The following LIMD1 variants were observed in gnomAD, a reference collection of about 807,000 sequenced individuals.
LIMD1 encodes the protein LIM domain-containing protein 1.
In LIMD1, 23 loss-of-function variants were observed where a neutral mutation model predicts 58.4. The observed-to-expected ratio is 0.39, with a 90% CI of 0.28 to 0.56. LIMD1 has a LOEUF of 0.56. Among genes scored for constraint, LIMD1 ranks in the 20% least tolerant of loss-of-function variants. The probability of loss-of-function intolerance (pLI) is 0.57; values close to 1 mark genes in which losing one functional copy is unlikely to be tolerated. For missense variants in LIMD1, 838 were observed against 855.5 expected, an observed-to-expected ratio of 0.98 and a Z score of 0.25; for synonymous variants, 334 against 345.5, an observed-to-expected ratio of 0.97 and a Z score of 0.37.
Position 45,627,938 on chromosome 3 carries a change from G to T in LIMD1, c.1409-8212G>T, listed in dbSNP as rs182233163. On this transcript the variant is annotated intron_variant, in intron 1 of 7. Transcript: ENST00000273317. The stretch of plus-strand genomic sequence containing the variant: ...CAGGAGAATCGCTTGAACCTGGGAG[G>T]CGGAGGTTGCAGTGAGCCAAGATGG... Among the ~76,000 whole-genome samples, 1,174 of 150,706 alleles carry T rather than the reference G, an allele frequency of 7.8e-3. 12 individuals are homozygous for T. Among genetic ancestry groups the T allele is most frequent in the African/African-American group, 0.027 (1,116 of 40,694 alleles).
At chr3:45,629,706 G>A (rs1324933330) in intron 1 of LIMD1, among the ~76,000 whole-genome samples, 1 of 152,190 alleles carries the variant, frequency 6.6e-6, no homozygotes, top group East Asian at 1.9e-4. Flanking sequence ...ACAAGCAGCT[G>A]GATGGCGAGA....
chr3:45,618,380 G>T (rs1489768796), intron 1 of LIMD1, among the ~76,000 whole-genome samples: 6 of 152,164 alleles, frequency 3.9e-5, no homozygotes, highest in African/African-American at 1.4e-4. Context: ...GTCCTATGGG[G>T]ACAGTTCCAA....
Position 45,666,144 on chromosome 3 carries a change from A to G in LIMD1, c.1578+427A>G, listed in dbSNP as rs571832099. On this transcript the variant is annotated intron_variant, in intron 3 of 7. Transcript: ENST00000273317. The stretch of plus-strand genomic sequence containing the variant: ...CTCTGAGGCCAGCTGCTGGCATCCC[A>G]CTGGCCCCTGGGCTGTGTCCCAACC... 3.4e-4 allele frequency among the ~76,000 whole-genome samples: 52 copies of G among 152,180 alleles called. 2 individuals carry two copies. In the South Asian group the frequency reaches 6.6e-3, roughly 19 times the overall value.
At chr3:45,627,989 CAG>C (rs1173867343) in intron 1 of LIMD1, among the ~76,000 whole-genome samples, 1 of 127,362 alleles carries the variant, frequency 7.9e-6, no homozygotes, top group Non-Finnish European at 1.6e-5. Flanking sequence ...GCCTGGGTGA[CAG>C]AGTGAGACCC....
At chr3:45,629,445 T>C (rs994585266) in intron 1 of LIMD1, among the ~76,000 whole-genome samples, 1 of 141,158 alleles carries the variant, frequency 7.1e-6, no homozygotes, top group East Asian at 2.1e-4. Context: ...AGAAAAGAAA[T>C]GTCACAACAT....
intron 2 of LIMD1, among the ~76,000 whole-genome samples, chr3:45,654,788 G>A (rs572477561): frequency 2.1e-5 from 3 of 145,138 alleles, no homozygotes; most frequent in Non-Finnish European, 3.0e-5. Flanking sequence ...ACTCCAGCCT[G>A]GGTGACAGAG....
intron 1 of LIMD1, among the ~76,000 whole-genome samples, chr3:45,618,213 G>A (rs1385320741): frequency 6.6e-6 from 1 of 152,146 alleles, no homozygotes; most frequent in African/African-American, 2.4e-5. Flanking sequence ...GTGGGGAGAT[G>A]GGAGCAGGGA....
intron 2 of LIMD1, among the ~76,000 whole-genome samples, chr3:45,664,739 T>C (rs962050667): frequency 7.2e-5 from 11 of 152,378 alleles, no homozygotes; most frequent in African/African-American, 2.6e-4. Flanking sequence ...CCAGTGTTCG[T>C]CTGGCGGGTT....
intron 2 of LIMD1, among the ~76,000 whole-genome samples, chr3:45,656,952 T>G (rs2125665828): frequency 6.6e-6 from 1 of 152,336 alleles, no homozygotes; most frequent in African/African-American, 2.4e-5. Flanking sequence ...GGCTGTGGTT[T>G]GGCACCACCT....
chr3:45,611,936 C>T (rs1304885777), intron 1 of LIMD1, among the ~76,000 whole-genome samples: 2 of 152,060 alleles, frequency 1.3e-5, no homozygotes, highest in Non-Finnish European at 2.9e-5. Context: ...GCATCTCTGC[C>T]CAAATTTGTA....
rs768675960 is a variant in LIMD1 at position 45,678,166 on chromosome 3, G to A, written c.*1107G>A. 3.3e-5 allele frequency: 5 copies of A among 152,584 alleles called. No homozygotes were observed. Among genetic ancestry groups the A allele is most frequent in the Non-Finnish European group, 5.9e-5 (4 of 68,026 alleles). The allele number at this position is 152,584 out of a possible 1,614,324, so 9.5% of individuals were successfully genotyped here. A position where few individuals can be genotyped will look rare whatever the true frequency, so the allele number is the denominator to read the frequency against. ...TGAAGAAACCAGGATAAGGTACACT[G>A]CTTTTGTCTGTTTAATTTTTTTAGT... On this transcript the variant is annotated 3_prime_UTR_variant, in exon 8 of 8. Coordinates refer to ENST00000273317, the MANE Select transcript of LIMD1 (RefSeq NM_014240.3).
intron 1 of LIMD1, among the ~76,000 whole-genome samples, chr3:45,615,303 G>C (rs71325078): frequency 0.05 from 7,619 of 152,248 alleles, 223 homozygotes; most frequent in East Asian, 0.14. Context: ...ACTCTCCATT[G>C]AAGAGTGTTT....
chr3:45,597,106 C>G (rs1001584721), intron 1 of LIMD1, among the ~76,000 whole-genome samples: 1 of 152,090 alleles, frequency 6.6e-6, no homozygotes, highest in Non-Finnish European at 1.5e-5. Context: ...GTGATCCGCC[C>G]GCCTTGGCCT....
rs1454552365 is a variant in LIMD1 at position 45,595,129 on chromosome 3, C to T, written c.250C>T (p.Leu84=). The change falls in exon 1 of 8, where the codon CTG becomes TTG. Residue 84 remains leucine (L), a synonymous_variant. Coordinates refer to ENST00000273317, the MANE Select transcript of LIMD1 (RefSeq NM_014240.3). ...AGGCCCTGTCAATGGAGGGGGCCGC[C>T]TGGGCCCACAGGCCCGTTGGGAAGT... ...SRGPVNGGGR[L]GPQARWEVVG... 6 of 1,607,558 alleles carry T rather than the reference C, an allele frequency of 3.7e-6. No homozygotes were observed. The highest frequency in any genetic ancestry group is 5.1e-6 in the Non-Finnish European group (6 of 1,176,504).
At chr3:45,646,177 G>A (rs1701905097) in intron 2 of LIMD1, among the ~76,000 whole-genome samples, 1 of 152,230 alleles carries the variant, frequency 6.6e-6, no homozygotes, top group Non-Finnish European at 1.5e-5. Context: ...GGGTCTCAGA[G>A]CGGTTGCCCA....
At chr3:45,669,723 C>G (rs1193825620) in intron 4 of LIMD1, among the ~76,000 whole-genome samples, 3 of 152,150 alleles carry the variant, frequency 2.0e-5, no homozygotes, top group Non-Finnish European at 4.4e-5. Context: ...TGAGCTTCAT[C>G]CATGCTGTTA....
At chr3:45,634,845 A>G (rs1701769771) in intron 1 of LIMD1, 1 of 152,218 alleles carries the variant, frequency 6.6e-6, no homozygotes. Flanking sequence ...TCTATTTCCT[A>G]ATTAAGAAAC....
chr3:45,620,097 T>C (rs568131099), intron 1 of LIMD1, among the ~76,000 whole-genome samples: 234 of 152,220 alleles, frequency 1.5e-3, no homozygotes, highest in Non-Finnish European at 2.9e-3. Flanking sequence ...AGAAGCGATA[T>C]GAATGTTGCA....
intron 1 of LIMD1, among the ~76,000 whole-genome samples, chr3:45,603,439 G>T (rs937551111): frequency 1.1e-4 from 16 of 152,058 alleles, no homozygotes; most frequent in Middle Eastern, 3.4e-3. Context: ...CTGTCTGAGT[G>T]ACTGGCATGA....
Sources: allele counts gnomAD v4.1 joint callset (sites outside exome capture counted in the v4.1 genomes callset), GRCh38; gene constraint gnomAD v4.1.1; transcripts MANE v1.5; gene names NCBI Gene and HGNC (gene_info 2026-07-23, HGNC 2026-07-21).